Variants in CAST observed in about 807,000 individuals in gnomAD.
The protein encoded by CAST is MIR583 host.
CAST carries 76 observed loss-of-function variants against 119.6 expected under a neutral mutation model. That is an observed-to-expected ratio of 0.64 (90% CI 0.53 to 0.77). The LOEUF (loss-of-function observed/expected upper bound fraction) is 0.77, where lower values mean the gene tolerates loss of function less well. Ranked by LOEUF, CAST falls within the 30% of genes least tolerant of loss-of-function variation. CAST has a pLI of 0.00. For missense variants in CAST, 953 were observed against 946.5 expected (o/e 1.01, Z -0.09); for synonymous variants, 319 against 331.6 (o/e 0.96, Z 0.41).
At chr5:96,692,568 T>C (rs1752849026) in intron 2 of CAST, among the ~76,000 whole-genome samples, 1 of 152,226 alleles carries the variant, frequency 6.6e-6, no homozygotes, top group South Asian at 2.1e-4. Flanking sequence ...AAGCCCATTC[T>C]TACCTCAGGG....
At chr5:95,965,857 G>C in the CAST span, among the ~76,000 whole-genome samples, 1 of 152,162 alleles carries the variant, frequency 6.6e-6, no homozygotes, top group Non-Finnish European at 1.5e-5. Context: ...GTAAATACAG[G>C]TTTTAAGTTG....
chr5:96,355,536 A>G, the CAST span, among the ~76,000 whole-genome samples: 41 of 152,288 alleles, frequency 2.7e-4, no homozygotes, highest in South Asian at 4.1e-3. Context: ...TCCTTTGGGT[A>G]TATACCCAGT....
the CAST span, among the ~76,000 whole-genome samples, chr5:96,340,148 A>G: frequency 6.6e-6 from 1 of 152,242 alleles, no homozygotes; most frequent in Admixed American, 6.5e-5. Context: ...CCTCAAGGTT[A>G]TATTTTGCAG....
At chr5:96,285,676 TTGTC>T in the CAST span, among the ~76,000 whole-genome samples, 9 of 152,200 alleles carry the variant, frequency 5.9e-5, no homozygotes, top group African/African-American at 2.2e-4. Context: ...TCCGCTTTCT[TTGTC>T]TGTGGAAAGT....
At chr5:96,760,014 A>G (rs142311317) in intron 24 of CAST, among the ~76,000 whole-genome samples, 1 of 152,188 alleles carries the variant, frequency 6.6e-6, no homozygotes, top group Non-Finnish European at 1.5e-5. Context: ...AAATATTGCA[A>G]TGATTTTCAA....
chr5:96,432,174 A>C, the CAST span: 1 of 1,525,278 alleles, frequency 6.6e-7, no homozygotes. Flanking sequence ...AAAGTTATGA[A>C]GCTTGGACTT....
the CAST span, among the ~76,000 whole-genome samples, chr5:96,128,697 T>A: frequency 7.2e-5 from 11 of 152,210 alleles, no homozygotes; most frequent in African/African-American, 2.4e-4. Flanking sequence ...TCTGGATGCA[T>A]AGAAGTGAAA....
At chr5:96,009,418 C>G in the CAST span, among the ~76,000 whole-genome samples, 1 of 152,134 alleles carries the variant, frequency 6.6e-6, no homozygotes, top group Admixed American at 6.5e-5. Flanking sequence ...TTTACATTCC[C>G]ACCAACAGTG....
At chr5:96,448,940 A>G in the CAST span, among the ~76,000 whole-genome samples, 1 of 152,160 alleles carries the variant, frequency 6.6e-6, no homozygotes, top group Non-Finnish European at 1.5e-5. Context: ...TTTAGTTTAT[A>G]CACCTAGTTA....
the CAST span, among the ~76,000 whole-genome samples, chr5:96,422,923 G>A: frequency 1.4e-5 from 2 of 145,012 alleles, no homozygotes; most frequent in Non-Finnish European, 2.9e-5. Flanking sequence ...ATTTTACAAT[G>A]TCAGGGATAT....
chr5:96,573,930 T>C (rs988850641), intron 1 of CAST, among the ~76,000 whole-genome samples: 1 of 152,326 alleles, frequency 6.6e-6, no homozygotes, highest in African/African-American at 2.4e-5. Flanking sequence ...TCTTCTATGA[T>C]TTGTCTTCAG....
At chr5:96,611,689 T>G (rs1022747293) in intron 1 of CAST, among the ~76,000 whole-genome samples, 1 of 152,178 alleles carries the variant, frequency 6.6e-6, no homozygotes. Context: ...TGGGAGAAGA[T>G]ATTTACAAAC....
At chr5:96,505,340 C>A in the CAST span, among the ~76,000 whole-genome samples, 2 of 151,982 alleles carry the variant, frequency 1.3e-5, no homozygotes, top group Non-Finnish European at 2.9e-5. Flanking sequence ...TTTAGCCGGG[C>A]ATGGTGGCGG....
At chr5:96,454,712 G>C in the CAST span, among the ~76,000 whole-genome samples, 1 of 152,208 alleles carries the variant, frequency 6.6e-6, no homozygotes, top group Non-Finnish European at 1.5e-5. Context: ...TATTTCTCAA[G>C]TGTTTCACCA....
chr5:96,478,623 C>T, the CAST span, among the ~76,000 whole-genome samples: 1 of 152,206 alleles, frequency 6.6e-6, no homozygotes, highest in Non-Finnish European at 1.5e-5. Context: ...TATACCTATA[C>T]ACAGTCTTTA....
chr5:96,066,386 C>G, the CAST span, among the ~76,000 whole-genome samples: 567 of 128,072 alleles, frequency 4.4e-3, 4 homozygotes, highest in African/African-American at 0.016. Flanking sequence ...AATGATTTCT[C>G]TAACAACCTT....
chr5:96,619,445 A>G (rs1293777803), intron 1 of CAST, among the ~76,000 whole-genome samples: 1 of 152,238 alleles, frequency 6.6e-6, no homozygotes, highest in Non-Finnish European at 1.5e-5. Flanking sequence ...AAATGGACCA[A>G]TCAGCAGGAT....
chr5:96,723,261 G>A (rs536820064), intron 4 of CAST, among the ~76,000 whole-genome samples: 3 of 152,152 alleles, frequency 2.0e-5, no homozygotes, highest in African/African-American at 7.2e-5. Flanking sequence ...CACCGTGCCC[G>A]TGGCCAGTTT....
At chr5:96,408,604 C>T in the CAST span, among the ~76,000 whole-genome samples, 3 of 152,178 alleles carry the variant, frequency 2.0e-5, no homozygotes, top group Admixed American at 6.5e-5. Flanking sequence ...GATTCCCAAA[C>T]GAAATGCTGT....
Sources: gnomAD v4.1 joint callset for allele counts (sites outside exome capture counted in the v4.1 genomes callset) on GRCh38, gnomAD v4.1.1 for gene constraint, MANE v1.5 for transcripts, NCBI Gene and HGNC (gene_info 2026-07-23, HGNC 2026-07-21) for gene names.